Variants in GRIN2B observed in about 807,000 individuals in gnomAD.
GRIN2B encodes glutamate ionotropic receptor NMDA type subunit 2B, also known as glutamate receptor ionotropic, NMDA 2B.
A neutral mutation model predicts 114.5 loss-of-function variants in GRIN2B; 5 were observed. The observed-to-expected ratio is 0.04, with a 90% CI of 0.02 to 0.09. The LOEUF (loss-of-function observed/expected upper bound fraction) is 0.09. Among genes scored for constraint, GRIN2B ranks in the 10% least tolerant of loss-of-function variants. The probability of loss-of-function intolerance (pLI) is 1.00; values close to 1 mark genes in which losing one functional copy is unlikely to be tolerated. For missense variants in GRIN2B, 1,108 were observed against 1,943.5 expected (o/e 0.57, Z 8.08); for synonymous variants, 787 against 745.1 (o/e 1.06, Z -0.92).
intron 8 of GRIN2B, among the ~76,000 whole-genome samples, chr12:13,614,763 T>C (rs1451618272): frequency 6.6e-6 from 1 of 152,250 alleles, no homozygotes; most frequent in Non-Finnish European, 1.5e-5. Flanking sequence ...ATCAGCCTGG[T>C]TGAAATGACT....
At chr12:13,716,068 C>G (rs1342283225) in intron 4 of GRIN2B, among the ~76,000 whole-genome samples, 1 of 151,832 alleles carries the variant, frequency 6.6e-6, no homozygotes, top group Non-Finnish European at 1.5e-5. Flanking sequence ...TTTTTAAAAG[C>G]CTACAAAGAA....
intron 4 of GRIN2B, among the ~76,000 whole-genome samples, chr12:13,721,275 G>T (rs1950505941): frequency 6.6e-6 from 1 of 152,016 alleles, no homozygotes. Context: ...AAAAAGTAAG[G>T]CAGGGAAGGT....
chr12:13,845,811 T>G (rs951840746), intron 3 of GRIN2B, among the ~76,000 whole-genome samples: 1 of 152,212 alleles, frequency 6.6e-6, no homozygotes, highest in Non-Finnish European at 1.5e-5. Flanking sequence ...CCCTACTGCA[T>G]GTAAAGAGCT....
At chr12:13,575,184 A>T (rs978089282) in intron 10 of GRIN2B, among the ~76,000 whole-genome samples, 3 of 152,236 alleles carry the variant, frequency 2.0e-5, no homozygotes, top group African/African-American at 7.2e-5. Flanking sequence ...TCCACCAAAA[A>T]AGGTAAACGA....
At chr12:13,571,355 T>G (rs2136415128) in intron 11 of GRIN2B, among the ~76,000 whole-genome samples, 2 of 152,320 alleles carry the variant, frequency 1.3e-5, no homozygotes, top group South Asian at 2.1e-4. Context: ...TAACACAAGC[T>G]GGCACTGGAG....
At chr12:13,898,948 T>C (rs953692688) in intron 2 of GRIN2B, among the ~76,000 whole-genome samples, 1 of 152,146 alleles carries the variant, frequency 6.6e-6, no homozygotes, top group African/African-American at 2.4e-5. Flanking sequence ...CTACTACCAC[T>C]ATTACAACTA....
rs535102202 is a variant in GRIN2B at position 13,758,198 on chromosome 12, T to C, written c.412-4283A>G. On this transcript the variant is annotated intron_variant, in intron 3 of 13. Transcript: ENST00000609686. The stretch of plus-strand genomic sequence containing the variant: ...CCCCACAGGATTTCTGAAGCTTCCA[T>C]TAAAACTGCATCACACCTGCACTTC... 1.2e-4 allele frequency among the ~76,000 whole-genome samples: 18 copies of C among 152,270 alleles called. 1 individual carries two copies. The South Asian group carries it at 2.9e-3, about 25-fold the overall frequency.
In GRIN2B at chr12:13,563,856, C is replaced by G; in HGVS notation, c.3382G>C (p.Gly1128Arg). The G allele has an allele frequency of 6.2e-7, 1 of 1,614,148 alleles. No homozygotes were observed. Among genetic ancestry groups the G allele is most frequent in the Non-Finnish European group, 8.5e-7 (1 of 1,180,034 alleles). The change falls in exon 14 of 14, where the codon GGG becomes CGG. Residue 1128 changes from glycine (G) to arginine (R), a missense_variant. By Grantham distance (125) the Gly-to-Arg change is moderately radical. Around this residue, in one of 19 missense-constraint regions of GRIN2B, gnomAD observed 478 missense variants for 506.0 expected, o/e 0.94. Coordinates refer to ENST00000609686, the MANE Select transcript of GRIN2B (RefSeq NM_000834.5). ...TGGTCCAGGTAGAAGTCCCGTAGCC[C>G]TTCCTTGTCCCTGAAGTAGCGCTTG... Reference protein sequence around the residue: ...DHKRYFRDKEGLRDFYLDQFR... With the variant: ...DHKRYFRDKERLRDFYLDQFR...
intron 10 of GRIN2B, among the ~76,000 whole-genome samples, chr12:13,605,585 CT>C (rs1949236322): frequency 2.3e-5 from 1 of 42,764 alleles, no homozygotes; most frequent in Non-Finnish European, 6.5e-5. Context: ...ACACACACAC[CT>C]GTCTTCATTC....
intron 2 of GRIN2B, among the ~76,000 whole-genome samples, chr12:13,958,794 A>T (rs1006585320): frequency 6.6e-6 from 1 of 152,110 alleles, no homozygotes; most frequent in African/African-American, 2.4e-5. Context: ...CTACCAATAC[A>T]ACCACAAAAA....
At chr12:13,656,155 T>C (rs1949861168) in intron 5 of GRIN2B, among the ~76,000 whole-genome samples, 1 of 152,154 alleles carries the variant, frequency 6.6e-6, no homozygotes, top group African/African-American at 2.4e-5. Flanking sequence ...GAATGAATGG[T>C]CAACCAAAGC....
intron 3 of GRIN2B, among the ~76,000 whole-genome samples, chr12:13,803,248 T>A (rs1053236799): frequency 6.6e-6 from 1 of 152,072 alleles, no homozygotes; most frequent in African/African-American, 2.4e-5. Context: ...AGTAGTTAAG[T>A]TTTGGGGAGT....
rs1948490103 is a variant in GRIN2B, at chr12:13,557,482, T to C, written c.*5301A>G. 1.3e-5 allele frequency: 2 copies of C among 152,200 alleles called. No homozygotes were observed. The highest frequency in any genetic ancestry group is 4.8e-5 in the African/African-American group (2 of 41,448). The allele number at this position is 152,200 out of a possible 1,614,324, so 9.4% of individuals were successfully genotyped here. ...TTATTGTATCACTAATTCAATTTGA[T>C]TTTTCTAGCTGCCTACTCAGTAACA... On this transcript the variant is annotated 3_prime_UTR_variant, in exon 14 of 14. Coordinates refer to ENST00000609686, the MANE Select transcript of GRIN2B (RefSeq NM_000834.5).
intron 10 of GRIN2B, among the ~76,000 whole-genome samples, chr12:13,577,976 A>T (rs1248963575): frequency 6.6e-6 from 1 of 152,210 alleles, no homozygotes; most frequent in East Asian, 1.9e-4. Flanking sequence ...TACAGAGGAG[A>T]TGCCTGTGCT....
chr12:13,794,852 A>T (rs1864390406), intron 3 of GRIN2B, among the ~76,000 whole-genome samples: 1 of 152,206 alleles, frequency 6.6e-6, no homozygotes, highest in African/African-American at 2.4e-5. Flanking sequence ...ATGGACACCA[A>T]GCTACCTCAT....
chr12:13,937,915 T>C (rs1364731098), intron 2 of GRIN2B, among the ~76,000 whole-genome samples: 1 of 151,966 alleles, frequency 6.6e-6, no homozygotes, highest in East Asian at 1.9e-4. Flanking sequence ...GAAATAAAAA[T>C]TGGGAGGTGA....
At chr12:13,643,491 A>T (rs1378923400) in intron 5 of GRIN2B, among the ~76,000 whole-genome samples, 2 of 152,172 alleles carry the variant, frequency 1.3e-5, no homozygotes, top group African/African-American at 4.8e-5. Context: ...TCTCGCCTCC[A>T]CGTTGATGGC....
intron 2 of GRIN2B, among the ~76,000 whole-genome samples, chr12:13,896,938 A>T (rs1054475978): frequency 6.6e-6 from 1 of 152,192 alleles, no homozygotes; most frequent in Non-Finnish European, 1.5e-5. Flanking sequence ...TGTGAGAATT[A>T]AATGAGATAA....
chr12:13,622,116 G>A (rs913951909), intron 5 of GRIN2B, among the ~76,000 whole-genome samples: 1 of 152,194 alleles, frequency 6.6e-6, no homozygotes, highest in Non-Finnish European at 1.5e-5. Flanking sequence ...TGTCTGCATA[G>A]AAAGTCATTT....
Sources: gnomAD v4.1 joint callset for allele counts (sites outside exome capture counted in the v4.1 genomes callset) on GRCh38, gnomAD v4.1.1 for gene constraint, gnomAD v4.1.1 regional missense constraint, MANE v1.5 for transcripts, NCBI Gene and HGNC (gene_info 2026-07-23, HGNC 2026-07-21) for gene names.